Variants in SCRN1 observed in about 807,000 individuals in gnomAD.
SCRN1 encodes the protein secernin 1.
SCRN1 carries 19 observed loss-of-function variants against 43.3 expected under a neutral mutation model. The ratio of observed to expected loss-of-function variants is 0.44; its 90% CI spans 0.31 to 0.64. The LOEUF (loss-of-function observed/expected upper bound fraction) is 0.64. Among genes scored for constraint, SCRN1 ranks in the 30% least tolerant of loss-of-function variants. The pLI, the probability that SCRN1 is intolerant of heterozygous loss-of-function variation, is 0.09. For missense variants in SCRN1, 447 were observed against 524.1 expected (o/e 0.85, Z 1.44); for synonymous variants, 183 against 188.9 (o/e 0.97, Z 0.26).
intron 7 of SCRN1, among the ~76,000 whole-genome samples, chr7:29,925,266 G>T (rs537868061): frequency 1.3e-5 from 2 of 152,352 alleles, no homozygotes; most frequent in South Asian, 4.1e-4. Context: ...GAAGAGAAGG[G>T]CAAGCTCTCA....
chr7:29,968,801 G>A lies in SCRN1; in HGVS notation c.159+108C>T. On this transcript the variant is annotated intron_variant, in intron 2 of 7. Transcript: ENST00000242059. ...AAACAGGAATCAGCAGAACTGACAT[G>A]ATAGCTCTGACTTGTGAGCAAGCTT... is the stretch of plus-strand genomic sequence containing the variant. 5 of 1,358,596 alleles carry A rather than the reference G, an allele frequency of 3.7e-6. No individual in the cohort carries two copies. In the East Asian group the frequency reaches 1.2e-4, roughly 32 times the overall value. The allele number at this position is 1,358,596 out of a possible 1,614,324, so 84.2% of individuals were successfully genotyped here. A position where few individuals can be genotyped will look rare whatever the true frequency, so the allele number is the denominator to read the frequency against.
rs1170011696 is a variant in SCRN1 at position 29,950,127 on chromosome 7, C to T, written c.341+5052G>A. Among the ~76,000 whole-genome samples, 2 of 152,226 alleles carry T rather than the reference C, an allele frequency of 1.3e-5. No homozygotes were observed. Among genetic ancestry groups the T allele is most frequent in the South Asian group, 4.1e-4 (2 of 4,836 alleles). ...CTCTGGACCTGGGCATCCCTGCACT[C>T]TCAGGAGCCCAGGAAGCCCTTGCCC... On this transcript the variant is annotated intron_variant, in intron 3 of 7. Coordinates refer to ENST00000242059, the MANE Select transcript of SCRN1 (RefSeq NM_014766.5). The surrounding 1 kb of genome is among the most constrained non-coding windows in gnomAD (Gnocchi z 4.5).
chr7:29,972,002 A>G (rs182544382), intron 1 of SCRN1, among the ~76,000 whole-genome samples: 5 of 152,332 alleles, frequency 3.3e-5, no homozygotes, highest in Admixed American at 3.3e-4. Flanking sequence ...CCAGAAAGAT[A>G]AAGAGGCTCC....
chr7:29,943,549 G>T (rs1389464409), intron 4 of SCRN1, among the ~76,000 whole-genome samples: 1 of 152,100 alleles, frequency 6.6e-6, no homozygotes, highest in Non-Finnish European at 1.5e-5. Context: ...TCCTCACACA[G>T]ATCTAAACTC....
rs1426697486 is a variant in SCRN1, at chr7:29,922,594, A to C, written c.*1363T>G. On this transcript the variant is annotated 3_prime_UTR_variant, in exon 8 of 8. Coordinates refer to ENST00000242059, the MANE Select transcript of SCRN1 (RefSeq NM_014766.5). Reference sequence around the variant, plus strand: ...CGTTTCAGGAGTAGCTGAGAGCTTGAATAGGTGGCGGTAAGCTCCCACCAC... The same window carrying C: ...CGTTTCAGGAGTAGCTGAGAGCTTGCATAGGTGGCGGTAAGCTCCCACCAC... 1 of 152,266 alleles carries C rather than the reference A, an allele frequency of 6.6e-6. No individual in the cohort carries two copies. Among genetic ancestry groups the C allele is most frequent in the East Asian group, 1.9e-4 (1 of 5,202 alleles). 9.4% of individuals were successfully genotyped at this position (152,266 alleles called of 1,614,324 possible).
chr7:29,974,681 CTTTCT>C (rs1192387989), intron 1 of SCRN1, among the ~76,000 whole-genome samples: 1 of 142,230 alleles, frequency 7.0e-6, no homozygotes, highest in African/African-American at 2.6e-5. Flanking sequence ...TTCTTTCTTT[CTTTCT>C]TTTTTTTTTT....
At chr7:29,990,273 G>A (rs1789331262), upstream of SCRN1, 1 of 1,551,038 alleles carries the variant, frequency 6.4e-7, no homozygotes, top group Non-Finnish European at 8.7e-7. Context: ...CAGGTACTTG[G>A]ACATTGTGGC....
intron 6 of SCRN1, among the ~76,000 whole-genome samples, chr7:29,927,113 T>C (rs1786990017): frequency 6.6e-6 from 1 of 151,874 alleles, no homozygotes; most frequent in Admixed American, 6.6e-5. Context: ...CTATGGAATA[T>C]CTCTGACAGA....
intron 1 of SCRN1, among the ~76,000 whole-genome samples, chr7:29,976,194 G>T (rs764845919): frequency 6.6e-6 from 1 of 152,170 alleles, no homozygotes; most frequent in African/African-American, 2.4e-5. Context: ...TGAGATGATA[G>T]AAATAGTCTC....
chr7:29,934,048 C>T (rs973464841), intron 6 of SCRN1, among the ~76,000 whole-genome samples: 4 of 152,108 alleles, frequency 2.6e-5, no homozygotes, highest in African/African-American at 9.7e-5. Flanking sequence ...AGCACAATTA[C>T]AGAGAAACAA....
chr7:29,967,623 T>C (rs1455107359), intron 2 of SCRN1, among the ~76,000 whole-genome samples: 2 of 152,140 alleles, frequency 1.3e-5, no homozygotes, highest in African/African-American at 2.4e-5. Context: ...AGGGAAGCAC[T>C]AGAGACAGCC....
intron 2 of SCRN1, among the ~76,000 whole-genome samples, chr7:29,957,648 G>T (rs1292294651): frequency 6.6e-6 from 1 of 152,172 alleles, no homozygotes; most frequent in Non-Finnish European, 1.5e-5. Flanking sequence ...GATGGCTGGA[G>T]AAATTACAAA....
intron 1 of SCRN1, among the ~76,000 whole-genome samples, chr7:29,971,633 CAAA>C (rs397889529): frequency 8.8e-5 from 6 of 68,352 alleles, no homozygotes; most frequent in Non-Finnish European, 1.4e-4. Context: ...GACCCTGTCT[CAAA>C]AAAAAAAAAA....
intron 3 of SCRN1, among the ~76,000 whole-genome samples, chr7:29,951,161 C>T (rs548829752): frequency 8.5e-5 from 13 of 152,374 alleles, no homozygotes; most frequent in Non-Finnish European, 7.3e-5. Flanking sequence ...CCAGGCACCA[C>T]GTTTCTTGGT....
chr7:29,939,083 T>C (rs1447159812), intron 5 of SCRN1, among the ~76,000 whole-genome samples: 1 of 152,202 alleles, frequency 6.6e-6, no homozygotes, highest in Non-Finnish European at 1.5e-5. Flanking sequence ...TTAAAAAAAT[T>C]TTGATTTTTT....
At chr7:29,931,747 T>C (rs1787161651) in intron 6 of SCRN1, among the ~76,000 whole-genome samples, 1 of 152,148 alleles carries the variant, frequency 6.6e-6, no homozygotes, top group Non-Finnish European at 1.5e-5. Flanking sequence ...GCAAATCTAC[T>C]GAGGAGAGTT....
At chr7:29,928,270 T>C (rs937208715) in intron 6 of SCRN1, among the ~76,000 whole-genome samples, 1 of 152,208 alleles carries the variant, frequency 6.6e-6, no homozygotes, top group Non-Finnish European at 1.5e-5. Context: ...CACCCTGTCC[T>C]GCTGAATCAG....
chr7:29,968,779 C>T (rs919440250), intron 2 of SCRN1, 130 bp downstream of exon 2: 1 of 1,139,398 alleles, frequency 8.8e-7, no homozygotes, highest in African/African-American at 1.5e-5. Context: ...TGCATGGAAA[C>T]AGGAATCAGC....
intron 4 of SCRN1, 115 bp downstream of exon 4, chr7:29,943,862 A>G: frequency 1.0e-6 from 1 of 961,758 alleles, no homozygotes; most frequent in Non-Finnish European, 1.6e-6. Context: ...AGTCCCACAC[A>G]GAGAGGACCT....
Sources: gnomAD v4.1 joint callset for allele counts (sites outside exome capture counted in the v4.1 genomes callset) on GRCh38, gnomAD v4.1.1 for gene constraint, Gnocchi (gnomAD v3.1) non-coding constraint, MANE v1.5 for transcripts, NCBI Gene and HGNC (gene_info 2026-07-23, HGNC 2026-07-21) for gene names.